RBPJ: variants seen among roughly 807,000 people sequenced by gnomAD.
RBPJ encodes the protein recombining binding protein suppressor of hairless.
RBPJ carries 9 observed loss-of-function variants against 67.8 expected under a neutral mutation model. That is an observed-to-expected ratio of 0.13 (90% CI 0.08 to 0.23). The LOEUF (loss-of-function observed/expected upper bound fraction) is 0.23, where lower values mean the gene tolerates loss of function less well. Ranked by LOEUF, RBPJ falls within the 10% of genes least tolerant of loss-of-function variation. The probability of loss-of-function intolerance (pLI) is 1.00; values close to 1 mark genes in which losing one functional copy is unlikely to be tolerated. For missense variants in RBPJ, 305 were observed against 595.6 expected (o/e 0.51, Z 5.08); for synonymous variants, 198 against 203.3 (o/e 0.97, Z 0.22).
chr4:26,315,223 A>C (rs1722574796), upstream of RBPJ, among the ~76,000 whole-genome samples: 1 of 141,682 alleles, frequency 7.1e-6, no homozygotes, highest in Non-Finnish European at 1.5e-5. Context: ...CCCACCCCCA[A>C]TTTCAATGTA....
At chr4:26,278,081 G>A (rs146514880) in intron 1 of RBPJ, among the ~76,000 whole-genome samples, 10 of 152,248 alleles carry the variant, frequency 6.6e-5, no homozygotes, top group East Asian at 1.9e-4. Flanking sequence ...CGCAAATGCC[G>A]TGGCATTGAC....
intron 1 of RBPJ, among the ~76,000 whole-genome samples, chr4:26,291,726 G>A (rs13113988): frequency 0.45 from 67,401 of 149,452 alleles, 19,116 homozygotes; most frequent in Non-Finnish European, 0.59. Flanking sequence ...ACAGGCATGC[G>A]CTGCCATGCC....
chr4:26,330,801 G>T (rs1163189960), intron 1 of RBPJ, among the ~76,000 whole-genome samples: 1 of 152,168 alleles, frequency 6.6e-6, no homozygotes, highest in African/African-American at 2.4e-5. Context: ...GAAGCGTGGT[G>T]TGTACTGATG....
chr4:26,328,541 A>G (rs969528578), intron 1 of RBPJ, among the ~76,000 whole-genome samples: 13 of 152,188 alleles, frequency 8.5e-5, no homozygotes, highest in African/African-American at 3.1e-4. Flanking sequence ...GTGAGAGTTG[A>G]TAGGGAGTGA....
At chr4:26,352,776 C>G (rs549633789) in intron 1 of RBPJ, among the ~76,000 whole-genome samples, 1 of 152,344 alleles carries the variant, frequency 6.6e-6, no homozygotes, top group South Asian at 2.1e-4. Context: ...ACCATGGGTA[C>G]TGAAGGTTCA....
chr4:26,424,494 G>A lies in RBPJ; in HGVS notation c.634+15G>A, dbSNP rs185171306. On this transcript the variant is annotated intron_variant, in intron 6 of 10. Transcript: ENST00000355476. The surrounding 1 kb of genome is among the most constrained non-coding windows in gnomAD (Gnocchi z 5.3). ...TATTCATCTCTGTGAGTATAAAAGT[G>A]TGCATTTAATGTTTTTAGTGTGAAA... 6,073 of 1,611,502 alleles carry A rather than the reference G, an allele frequency of 3.8e-3. 10 individuals are homozygous for A. Among genetic ancestry groups the A allele is most frequent in the Non-Finnish European group, 4.8e-3 (5,635 of 1,178,796 alleles).
intron 1 of RBPJ, among the ~76,000 whole-genome samples, chr4:26,255,272 C>T (rs375188529): frequency 3.2e-4 from 44 of 138,122 alleles, no homozygotes; most frequent in Middle Eastern, 7.6e-3. Context: ...GGCGTGGTGG[C>T]GGGCGCCTGT....
rs1324363689 is a variant in RBPJ at position 26,431,897 on chromosome 4, G to A, written c.*890G>A. 6.6e-6 allele frequency: 1 copy of A among 152,052 alleles called. No homozygotes were observed. Among genetic ancestry groups the A allele is most frequent in the East Asian group, 1.9e-4 (1 of 5,202 alleles). 9.4% of individuals were successfully genotyped at this position (152,052 alleles called of 1,614,324 possible). A position where few individuals can be genotyped will look rare whatever the true frequency, so the allele number is the denominator to read the frequency against. On this transcript the variant is annotated 3_prime_UTR_variant, in exon 11 of 11. Coordinates refer to ENST00000355476, the MANE Select transcript of RBPJ (RefSeq NM_015874.6). ...GGTTCTAACATTCACATGCAATTTG[G>A]TGTGGCCATTTAGCTATTAATGAGT...
At chr4:26,268,154 C>T (rs528717270) in intron 1 of RBPJ, among the ~76,000 whole-genome samples, 1 of 151,796 alleles carries the variant, frequency 6.6e-6, no homozygotes, top group African/African-American at 2.4e-5. Flanking sequence ...AGAAAAAGGA[C>T]ACCCCATGTT....
chr4:26,304,581 T>TCCATG (rs776475151), intron 1 of RBPJ, among the ~76,000 whole-genome samples: 24 of 152,362 alleles, frequency 1.6e-4, no homozygotes, highest in Middle Eastern at 6.8e-3. Flanking sequence ...ATTTGCTTTT[T>TCCATG]CCATGATGGC....
chr4:26,319,879 G>C, upstream of RBPJ: 3 of 1,601,190 alleles, frequency 1.9e-6, no homozygotes, highest in Non-Finnish European at 2.6e-6. Flanking sequence ...GGAAAGATGG[G>C]GGGCTGCAGG....
At chr4:26,383,059 T>G (rs2109612673) in intron 1 of RBPJ, among the ~76,000 whole-genome samples, 1 of 152,316 alleles carries the variant, frequency 6.6e-6, no homozygotes, top group African/African-American at 2.4e-5. Flanking sequence ...GTAACATTTA[T>G]GAGATTTGTA....
intron 1 of RBPJ, among the ~76,000 whole-genome samples, chr4:26,341,852 C>T (rs776471019): frequency 3.9e-5 from 6 of 152,094 alleles, no homozygotes; most frequent in African/African-American, 7.2e-5. Context: ...GAAATACCAG[C>T]ACGTTTGTAT....
chr4:26,283,908 T>A (rs1266933781), intron 1 of RBPJ, among the ~76,000 whole-genome samples: 5 of 152,120 alleles, frequency 3.3e-5, no homozygotes, highest in Non-Finnish European at 7.4e-5. Flanking sequence ...CCTCCCAAAG[T>A]GCTGGGATTA....
chr4:26,206,540 G>A (rs971120510), intron 1 of RBPJ, among the ~76,000 whole-genome samples: 1 of 152,148 alleles, frequency 6.6e-6, no homozygotes, highest in African/African-American at 2.4e-5. Flanking sequence ...AGAGACACAT[G>A]GTGAGGAACT....
At position 26,321,185 on chromosome 4, in the gene RBPJ, C is replaced by CGCG. The variant is rs544736661; in HGVS notation, c.20+150_20+152dup. 4.4e-3 allele frequency: 1,179 copies of CGCG among 268,202 alleles called. 9 individuals are homozygous for CGCG. Among genetic ancestry groups the CGCG allele is most frequent in the Admixed American group, 6.6e-3 (107 of 16,334 alleles). The allele number at this position is 268,202 out of a possible 1,614,324, so 16.6% of individuals were successfully genotyped here. On this transcript the variant is annotated intron_variant, in intron 1 of 10. Transcript: ENST00000355476. ...CGGGGGCGGCGTCGCGTGCGCCGAGCGCGGCGGCGGCGGCGTGTGGCCGTG... is the reference window on the plus strand; with the variant it reads ...CGGGGGCGGCGTCGCGTGCGCCGAGCGCGGCGGCGGCGGCGGCGTGTGGCCGTG...
intron 1 of RBPJ, among the ~76,000 whole-genome samples, chr4:26,327,970 A>C (rs574138467): frequency 8.5e-5 from 13 of 152,242 alleles, no homozygotes; most frequent in Admixed American, 8.5e-4. Flanking sequence ...TGAACAGTCT[A>C]TTATGGACAT....
At chr4:26,223,461 T>C (rs2109194359) in intron 1 of RBPJ, among the ~76,000 whole-genome samples, 1 of 152,358 alleles carries the variant, frequency 6.6e-6, no homozygotes, top group South Asian at 2.1e-4. Flanking sequence ...AAGGAGGTTA[T>C]GCCTGAGAGC....
intron 1 of RBPJ, among the ~76,000 whole-genome samples, chr4:26,241,604 C>T (rs369893817): frequency 3.9e-5 from 6 of 152,188 alleles, no homozygotes; most frequent in Non-Finnish European, 7.4e-5. Flanking sequence ...CTCTGCCTCC[C>T]GGGTTCATGC....
Sources: gnomAD v4.1 joint callset for allele counts (sites outside exome capture counted in the v4.1 genomes callset) on GRCh38, gnomAD v4.1.1 for gene constraint, Gnocchi (gnomAD v3.1) non-coding constraint, MANE v1.5 for transcripts, NCBI Gene and HGNC (gene_info 2026-07-23, HGNC 2026-07-21) for gene names.